The following KCNMA1 variants were observed in gnomAD, a reference collection of about 807,000 sequenced individuals.
KCNMA1 encodes the protein Calcium-activated potassium channel subunit alpha-1.
KCNMA1 carries 29 observed loss-of-function variants against 140.0 expected under a neutral mutation model. That is an observed-to-expected ratio of 0.21 (90% CI 0.15 to 0.28). KCNMA1 has a LOEUF of 0.28. KCNMA1 is among the 10% of genes least tolerant of loss of function. The pLI is 1.00. For missense variants in KCNMA1, 880 were observed against 1,602.2 expected (o/e 0.55, Z 7.70); for synonymous variants, 612 against 611.9 (o/e 1.00, Z 0.00).
chr10:77,052,890 G>A (rs1337458101), intron 14 of KCNMA1, among the ~76,000 whole-genome samples: 1 of 152,122 alleles, frequency 6.6e-6, no homozygotes, highest in Non-Finnish European at 1.5e-5. Flanking sequence ...TTTGGGAGGA[G>A]GAGACTCATC....
At chr10:77,409,190 C>T (rs4980144) in intron 1 of KCNMA1, among the ~76,000 whole-genome samples, 4 of 152,218 alleles carry the variant, frequency 2.6e-5, no homozygotes, top group South Asian at 2.1e-4. Flanking sequence ...GGCCTGACTG[C>T]ACCCCATCAC....
At chr10:77,637,237 G>A (rs2093855626) in intron 1 of KCNMA1, 28 bp downstream of exon 1, 1 of 1,575,152 alleles carries the variant, frequency 6.3e-7, no homozygotes, top group African/African-American at 1.4e-5. Flanking sequence ...GGCTGGCGCA[G>A]AGGGCGGGCG....
Position 77,591,656 on chromosome 10 carries a change from T to G in KCNMA1, c.378+45609A>C, listed in dbSNP as rs1299990417. 2.0e-5 allele frequency among the ~76,000 whole-genome samples: 3 copies of G among 152,324 alleles called. No individual in the cohort carries two copies. The East Asian group carries it at 5.8e-4, about 29-fold the overall frequency. On this transcript the variant is annotated intron_variant, in intron 1 of 27. Transcript: ENST00000286628. The stretch of plus-strand genomic sequence containing the variant: ...AGCCACTAATCCAAAGTCTAGATTC[T>G]AAACCACTAACTGGACACCTGTGTT...
intron 2 of KCNMA1, among the ~76,000 whole-genome samples, chr10:77,332,280 C>T (rs772152925): frequency 1.3e-5 from 2 of 152,274 alleles, no homozygotes; most frequent in East Asian, 1.9e-4. Context: ...GTTAAGGAAA[C>T]ATTTGAGCAA....
chr10:77,181,675 T>C (rs1598105543), intron 5 of KCNMA1, among the ~76,000 whole-genome samples: 1 of 152,190 alleles, frequency 6.6e-6, no homozygotes, highest in East Asian at 1.9e-4. Flanking sequence ...TAAGTTACAC[T>C]GAGGACACTT....
At chr10:77,501,623 T>C (rs928537289) in intron 1 of KCNMA1, among the ~76,000 whole-genome samples, 8 of 152,090 alleles carry the variant, frequency 5.3e-5, no homozygotes, top group Non-Finnish European at 1.0e-4. Context: ...CTCCTCCCCC[T>C]GGCAAGACTG....
At chr10:76,995,556 G>A (rs1026692896) in intron 19 of KCNMA1, 14 of 470,884 alleles carry the variant, frequency 3.0e-5, no homozygotes, top group East Asian at 1.4e-4. Context: ...AGTGGAAGGC[G>A]GGCTGGCCCT....
intron 3 of KCNMA1, chr10:77,217,460 T>G: frequency 2.2e-6 from 1 of 456,544 alleles, no homozygotes; most frequent in South Asian, 1.5e-5. Context: ...TGGTATGTAT[T>G]AAAGGAATAG....
rs193176470 is a variant in KCNMA1 at position 77,103,494 on chromosome 10, G to T, written c.1223+4987C>A. ...ACTAAGGAGTGAAAGGGAACAGGTGGTTCCATCTGCAAGGGTATAGAAGGC... is the reference window on the plus strand; with the variant it reads ...ACTAAGGAGTGAAAGGGAACAGGTGTTTCCATCTGCAAGGGTATAGAAGGC... On this transcript the variant is annotated intron_variant, in intron 9 of 27. Transcript: ENST00000286628. 6.1e-3 allele frequency among the ~76,000 whole-genome samples: 930 copies of T among 152,324 alleles called. 11 individuals are homozygous for T. The highest frequency in any genetic ancestry group is 0.022 in the African/African-American group (896 of 41,576).
chr10:76,969,822 C>A, intron 20 of KCNMA1, 152 bp downstream of exon 20: 1 of 670,028 alleles, frequency 1.5e-6, no homozygotes, highest in Non-Finnish European at 2.7e-6. Flanking sequence ...AATACTCCAG[C>A]CTTTAAGAAG....
intron 3 of KCNMA1, among the ~76,000 whole-genome samples, chr10:77,247,660 T>C (rs1330137849): frequency 1.3e-5 from 2 of 152,020 alleles, no homozygotes; most frequent in Non-Finnish European, 2.9e-5. Context: ...GAAAGGGAGC[T>C]TTTTGTACAC....
At chr10:77,443,158 T>A (rs147613574) in intron 1 of KCNMA1, among the ~76,000 whole-genome samples, 56 of 152,220 alleles carry the variant, frequency 3.7e-4, no homozygotes, top group African/African-American at 1.3e-3. Flanking sequence ...GGGGCCAGAC[T>A]GGCTCCCAAA....
chr10:76,968,931 C>T (rs2075022131), intron 20 of KCNMA1, among the ~76,000 whole-genome samples: 2 of 152,068 alleles, frequency 1.3e-5, no homozygotes, highest in Admixed American at 1.3e-4. Context: ...GTGGAAATCA[C>T]CACTATTCTA....
At chr10:77,413,628 A>G (rs552594774) in intron 1 of KCNMA1, among the ~76,000 whole-genome samples, 1 of 152,266 alleles carries the variant, frequency 6.6e-6, no homozygotes, top group East Asian at 1.9e-4. Context: ...CAGGGGACCC[A>G]GGTCTTTCCT....
intron 1 of KCNMA1, among the ~76,000 whole-genome samples, chr10:77,485,978 T>C (rs898278763): frequency 7.9e-5 from 12 of 152,096 alleles, no homozygotes; most frequent in African/African-American, 2.7e-4. Context: ...TATAAGTGTT[T>C]ATCAGCCCTA....
intron 1 of KCNMA1, among the ~76,000 whole-genome samples, chr10:77,535,376 C>T (rs547032828): frequency 2.6e-5 from 4 of 152,198 alleles, no homozygotes; most frequent in African/African-American, 4.8e-5. Context: ...CAGCTATTAT[C>T]AAAAAGTCTG....
intron 1 of KCNMA1, among the ~76,000 whole-genome samples, chr10:77,500,656 C>A (rs2043535274): frequency 6.6e-6 from 1 of 152,106 alleles, no homozygotes; most frequent in Admixed American, 6.6e-5. Flanking sequence ...ACAAAGGAAG[C>A]CTCACAACAC....
At chr10:77,112,573 T>C (rs1422572030) in intron 6 of KCNMA1, 131 bp from the exon 7 acceptor site, 4 of 706,818 alleles carry the variant, frequency 5.7e-6, no homozygotes, top group Non-Finnish European at 1.0e-5. Context: ...TTCTCCATTA[T>C]AAGGGAATTC....
chr10:77,104,881 C>G (rs1379153414), intron 9 of KCNMA1, among the ~76,000 whole-genome samples: 1 of 152,218 alleles, frequency 6.6e-6, no homozygotes, highest in Non-Finnish European at 1.5e-5. Flanking sequence ...CACCAGCCCT[C>G]AGGCCTTCCC....
Sources: gnomAD v4.1 joint callset for allele counts (sites outside exome capture counted in the v4.1 genomes callset) on GRCh38, gnomAD v4.1.1 for gene constraint, MANE v1.5 for transcripts, NCBI Gene and HGNC (gene_info 2026-07-23, HGNC 2026-07-21) for gene names.